The following RPS6KA2 variants were observed in gnomAD, a reference collection of about 807,000 sequenced individuals.
The protein encoded by RPS6KA2 is ribosomal protein S6 kinase alpha-2.
RPS6KA2 carries 42 observed loss-of-function variants against 91.8 expected under a neutral mutation model. That is an observed-to-expected ratio of 0.46 (90% CI 0.36 to 0.59). The LOEUF is 0.59. RPS6KA2 is among the 20% of genes least tolerant of loss of function. The probability of loss-of-function intolerance (pLI) is 0.00; values close to 1 mark genes in which losing one functional copy is unlikely to be tolerated. For synonymous variants in RPS6KA2, 414 were observed against 393.6 expected (o/e 1.05, Z -0.61); for missense variants, 798 against 978.5 (o/e 0.82, Z 2.46).
In RPS6KA2 at chr6:166,423,207, C is replaced by G. The variant is rs1778787895; in HGVS notation, c.1743+49G>C. 1 of 1,563,478 alleles carries G rather than the reference C, an allele frequency of 6.4e-7. No individual in the cohort carries two copies. The highest frequency in any genetic ancestry group is 1.3e-5 in the African/African-American group (1 of 74,106). ...GCTCTGCAGTGGGAGGGGGCAGAGCCTGTCTTTGCGGATAGAGAGGCCTGG... is the reference window on the plus strand; with the variant it reads ...GCTCTGCAGTGGGAGGGGGCAGAGCGTGTCTTTGCGGATAGAGAGGCCTGG... On this transcript the variant is annotated intron_variant, in intron 17 of 20. Coordinates refer to ENST00000265678, the MANE Select transcript of RPS6KA2 (RefSeq NM_021135.6). The surrounding 1 kb of genome is among the most constrained non-coding windows in gnomAD (Gnocchi z 4.8).
rs1789835067 is a variant in RPS6KA2 at position 166,711,196 on chromosome 6, C to T, written c.123+147004G>A. ...CACAGAGGGAGCTGGAGCCTCCACC[C>T]CCACAAAGCAGGAATAGCCCCACAA... is the stretch of plus-strand genomic sequence containing the variant. On this transcript the variant is annotated intron_variant, in intron 2 of 21. Transcript: ENST00000503859. Among the ~76,000 whole-genome samples the T allele has an allele frequency of 2.0e-5, 3 of 150,990 alleles. No individual in the cohort carries two copies. In the South Asian group the frequency reaches 6.3e-4, roughly 32 times the overall value.
intron 2 of RPS6KA2, among the ~76,000 whole-genome samples, chr6:166,723,961 C>T (rs889497521): frequency 2.0e-5 from 3 of 152,150 alleles, no homozygotes; most frequent in African/African-American, 7.2e-5. Context: ...CAGCCTCCCA[C>T]AGTGCTGAGA....
intron 2 of RPS6KA2, among the ~76,000 whole-genome samples, chr6:166,748,432 A>G (rs1791094128): frequency 2.6e-5 from 4 of 152,116 alleles, no homozygotes; most frequent in Non-Finnish European, 1.5e-5. Flanking sequence ...TCCTGGCCAC[A>G]GGCTAGTGAG....
intron 10 of RPS6KA2, among the ~76,000 whole-genome samples, chr6:166,480,308 G>A (rs1562523656): frequency 6.6e-6 from 1 of 151,764 alleles, no homozygotes; most frequent in Non-Finnish European, 1.5e-5. Flanking sequence ...ACGAAGAAAT[G>A]TACAGGTACT....
At chr6:166,764,185 G>A (rs1227260676) in intron 2 of RPS6KA2, among the ~76,000 whole-genome samples, 3 of 152,188 alleles carry the variant, frequency 2.0e-5, no homozygotes, top group African/African-American at 4.8e-5. Context: ...AGAGAAATGA[G>A]GCTGAGCCCC....
intron 2 of RPS6KA2, among the ~76,000 whole-genome samples, chr6:166,711,142 C>T (rs1244031723): frequency 1.3e-5 from 2 of 151,278 alleles, no homozygotes; most frequent in Non-Finnish European, 2.9e-5. Flanking sequence ...GGTAACAAGG[C>T]CATAAGTCTT....
At chr6:166,655,781 C>T (rs773787689) in intron 2 of RPS6KA2, among the ~76,000 whole-genome samples, 3 of 152,168 alleles carry the variant, frequency 2.0e-5, no homozygotes, top group African/African-American at 4.8e-5. Context: ...AGAGTGTGAA[C>T]GGGCGCCACC....
chr6:166,441,360 T>C (rs1330480125), intron 14 of RPS6KA2, among the ~76,000 whole-genome samples: 1 of 152,184 alleles, frequency 6.6e-6, no homozygotes, highest in Non-Finnish European at 1.5e-5. Flanking sequence ...GCTGTTTCTC[T>C]TTGCTTCAAA....
At chr6:166,550,432 C>A (rs1421875967) in intron 1 of RPS6KA2, among the ~76,000 whole-genome samples, 1 of 128,328 alleles carries the variant, frequency 7.8e-6, no homozygotes, top group African/African-American at 2.8e-5. Context: ...AAGAATAAAC[C>A]TATTAATTGG....
At chr6:166,579,354 T>C (rs1009496517) in intron 1 of RPS6KA2, among the ~76,000 whole-genome samples, 3 of 152,164 alleles carry the variant, frequency 2.0e-5, no homozygotes, top group Non-Finnish European at 4.4e-5. Context: ...AATTCTTGGC[T>C]GCTCGGGCCC....
intron 2 of RPS6KA2, among the ~76,000 whole-genome samples, chr6:166,754,576 C>A (rs926633444): frequency 6.6e-6 from 1 of 151,916 alleles, no homozygotes; most frequent in African/African-American, 2.4e-5. Context: ...CGTGAGAGTC[C>A]ATAAAGGAGG....
At chr6:166,727,462 C>T (rs1359386322) in intron 2 of RPS6KA2, among the ~76,000 whole-genome samples, 1 of 151,878 alleles carries the variant, frequency 6.6e-6, no homozygotes, top group Non-Finnish European at 1.5e-5. Flanking sequence ...ACACCAGGGC[C>T]AGCACCCAGA....
At chr6:166,795,337 C>T (rs1264571737) in intron 2 of RPS6KA2, among the ~76,000 whole-genome samples, 1 of 152,120 alleles carries the variant, frequency 6.6e-6, no homozygotes, top group Non-Finnish European at 1.5e-5. Flanking sequence ...AAAAGAAAAA[C>T]ACAGTCTTTA....
chr6:166,773,989 G>T (rs16899430), intron 2 of RPS6KA2, among the ~76,000 whole-genome samples: 7,029 of 152,202 alleles, frequency 0.046, 402 homozygotes, highest in East Asian at 0.17. Flanking sequence ...TAAACTATCA[G>T]AAATTTCTAA....
At position 166,721,640 on chromosome 6, in the gene RPS6KA2, C is replaced by T. The variant is rs548836791; in HGVS notation, c.123+136560G>A. Among the ~76,000 whole-genome samples the T allele has an allele frequency of 1.4e-3, 217 of 152,344 alleles. 3 individuals are homozygous for T. Among genetic ancestry groups the T allele is most frequent in the South Asian group, 0.013 (62 of 4,832 alleles). Reference sequence around the variant, plus strand: ...GTGCTGGGTGATCGCAGTGGGTCTGCGTCTGGGCCCCTCCTTCTAAGACCG... The same window carrying T: ...GTGCTGGGTGATCGCAGTGGGTCTGTGTCTGGGCCCCTCCTTCTAAGACCG... On this transcript the variant is annotated intron_variant, in intron 2 of 21. Transcript: ENST00000503859.
intron 1 of RPS6KA2, among the ~76,000 whole-genome samples, chr6:166,583,349 C>T (rs1352458947): frequency 1.3e-5 from 2 of 152,192 alleles, no homozygotes; most frequent in Admixed American, 6.5e-5. Flanking sequence ...ACAGCACTGT[C>T]GCTGTGATCT....
chr6:166,849,710 T>C lies in RPS6KA2; in HGVS notation c.123+8490A>G, dbSNP rs1780691315. On this transcript the variant is annotated intron_variant, in intron 2 of 21. Transcript: ENST00000503859. The surrounding 1 kb of genome is among the most constrained non-coding windows in gnomAD (Gnocchi z 4.9). ...CTTTCCCAACACAGGAGCTGCGTCCTATGCATACTCAGTCCCATGTGCCTG... is the reference window on the plus strand; with the variant it reads ...CTTTCCCAACACAGGAGCTGCGTCCCATGCATACTCAGTCCCATGTGCCTG... Among the ~76,000 whole-genome samples the C allele has an allele frequency of 6.6e-6, 1 of 152,262 alleles. No individual in the cohort carries two copies. Among genetic ancestry groups the C allele is most frequent in the South Asian group, 2.1e-4 (1 of 4,838 alleles).
rs1786215030 is a variant in RPS6KA2 at position 166,612,390 on chromosome 6, G to GC, written c.99+14530_99+14531insG. On this transcript the variant is annotated intron_variant, in intron 1 of 20. Transcript: ENST00000265678. The surrounding 1 kb of genome is among the most constrained non-coding windows in gnomAD (Gnocchi z 4.3). ...GCATGAGTGAAACTCTGAATTTGTAGTTTTCCTTAGGAGAAAGATGGCATG... is the reference window on the plus strand; with the variant it reads ...GCATGAGTGAAACTCTGAATTTGTAGCTTTTCCTTAGGAGAAAGATGGCATG... Among the ~76,000 whole-genome samples, 1 of 152,198 alleles carries GC rather than the reference G, an allele frequency of 6.6e-6. No homozygotes were observed. The highest frequency in any genetic ancestry group is 1.5e-5 in the Non-Finnish European group (1 of 68,032).
In RPS6KA2 at chr6:166,409,633, A is replaced by G. The variant is rs547309307; in HGVS notation, c.*3129T>C. 3 of 152,558 alleles carry G rather than the reference A, an allele frequency of 2.0e-5. No individual in the cohort carries two copies. In the South Asian group the frequency reaches 6.2e-4, roughly 32 times the overall value. 9.5% of individuals were successfully genotyped at this position (152,558 alleles called of 1,614,324 possible). A position where few individuals can be genotyped will look rare whatever the true frequency, so the allele number is the denominator to read the frequency against. On this transcript the variant is annotated 3_prime_UTR_variant, in exon 21 of 21. Coordinates refer to ENST00000265678, the MANE Select transcript of RPS6KA2 (RefSeq NM_021135.6). ...TCCTCAGCCCCTCAAGCTGCGCTGG[A>G]GTCCACCTTCCGCCCTCTCCACACC...
Sources: gnomAD v4.1 joint callset for allele counts (sites outside exome capture counted in the v4.1 genomes callset) on GRCh38, gnomAD v4.1.1 for gene constraint, Gnocchi (gnomAD v3.1) non-coding constraint, MANE v1.5 for transcripts, NCBI Gene and HGNC (gene_info 2026-07-23, HGNC 2026-07-21) for gene names.